KMT2D: variants seen among roughly 807,000 people sequenced by gnomAD.
KMT2D encodes lysine methyltransferase 2D.
In KMT2D, 55 loss-of-function variants were observed where a neutral mutation model predicts 512.7. That is an observed-to-expected ratio of 0.11 (90% CI 0.09 to 0.13). The LOEUF (loss-of-function observed/expected upper bound fraction) is 0.13. Among genes scored for constraint, KMT2D ranks in the 10% least tolerant of loss-of-function variants. The pLI, the probability that KMT2D is intolerant of heterozygous loss-of-function variation, is 1.00. For synonymous variants in KMT2D, 2,995 were observed against 2,904.0 expected, an observed-to-expected ratio of 1.03 and a Z score of -1.01; for missense variants, 6,061 against 7,127.9, an observed-to-expected ratio of 0.85 and a Z score of 5.39.
intron 35 of KMT2D, among the ~76,000 whole-genome samples, chr12:49,036,676 GT>G (rs1004350267): frequency 6.6e-6 from 1 of 151,644 alleles, no homozygotes; most frequent in Non-Finnish European, 1.5e-5. Flanking sequence ...ATTTTTGTAT[GT>G]TTAGTAGAGA....
chr12:49,053,515 C>T lies in KMT2D; in HGVS notation c.800G>A (p.Gly267Asp), dbSNP rs1938212607. 1.9e-6 allele frequency: 3 copies of T among 1,607,968 alleles called. No homozygotes were observed. The highest frequency in any genetic ancestry group is 1.7e-4 in the Middle Eastern group (1 of 6,058). ...CACTTTGCATTCAGGGCACTGCCAG[C>T]CAGCACGTTTGCGGGCAGTCAGAGC... ...DTALTARKRAGWQCPECKVCQ... is the reference protein window; with the variant it reads ...DTALTARKRADWQCPECKVCQ... Residue 267 changes from glycine to aspartate, a missense_variant, in exon 7 of 55, where the codon GGC becomes GAC. By Grantham distance (94) the Gly-to-Asp change is moderately conservative. Transcript: ENST00000301067.
Position 49,050,258 on chromosome 12 carries a change from T to C in KMT2D, c.3330A>G (p.Pro1110=), listed in dbSNP as rs1937869295. The C allele has an allele frequency of 6.2e-7, 1 of 1,612,188 alleles. No homozygotes were observed. The highest frequency in any genetic ancestry group is 1.1e-5 in the South Asian group (1 of 90,836). The change falls in exon 12 of 55, where the codon CCA becomes CCG. Residue 1110 remains proline (P), a synonymous_variant. Transcript: ENST00000301067. ...CTAGGCCAGAGAAGTCATCCAGGGC[T>C]GGGGCAGGGCTGGGGGCGGGGCAGG... ...DLSCPAPSPA[P]ALDDFSGLGE... is the part of the protein sequence containing the mutation.
At position 49,024,615 on chromosome 12, in the gene KMT2D, C is replaced by T. The variant is rs373319977; in HGVS notation, c.16015G>A (p.Ala5339Thr). 3 of 1,613,582 alleles carry T rather than the reference C, an allele frequency of 1.9e-6. No individual in the cohort carries two copies. The highest frequency in any genetic ancestry group is 2.5e-6 in the Non-Finnish European group (3 of 1,179,758). Residue 5339 changes from alanine to threonine, a missense_variant, in exon 51 of 55, where the codon GCC (alanine) becomes ACC (threonine). Coordinates refer to ENST00000301067, the MANE Select transcript of KMT2D (RefSeq NM_003482.4). The surrounding 1 kb of genome is among the most constrained non-coding windows in gnomAD (Gnocchi z 4.5). ...LPLMINPTGCARSEPKILTHY... is the reference protein window; with the variant it reads ...LPLMINPTGCTRSEPKILTHY... ...GTGAGGATTTTAGGCTCTGATCGGG[C>T]ACAGCCAGTGGGGTTGATCATGAGT...
chr12:49,023,079 T>A (rs1942402897), intron 51 of KMT2D, among the ~76,000 whole-genome samples: 1 of 152,040 alleles, frequency 6.6e-6, no homozygotes, highest in Non-Finnish European at 1.5e-5. Context: ...ACAGGGACCC[T>A]TCTGACACCC....
Position 49,033,353 on chromosome 12 carries a change from G to T in KMT2D, c.11352C>A (p.Gly3784=). ...QGLMPPSSHQ[G]LLVQQLSPQP... is the part of the protein sequence containing the mutation. The stretch of plus-strand genomic sequence containing the variant: ...GAGGGGACAGCTGCTGGACCAGGAG[G>T]CCTTGGTGGCTGCTGGGAGGCATAA... The change falls in exon 40 of 55, where the codon GGC becomes GGA. Residue 3784 remains glycine (G), a synonymous_variant. Coordinates refer to ENST00000301067, the MANE Select transcript of KMT2D (RefSeq NM_003482.4). 1.3e-6 allele frequency: 2 copies of T among 1,588,748 alleles called. No homozygotes were observed. The highest frequency in any genetic ancestry group is 1.3e-5 in the African/African-American group (1 of 74,566).
In KMT2D at chr12:49,052,403, T is replaced by C. The variant is rs1278420714; in HGVS notation, c.1280A>G (p.Glu427Gly). The change falls in exon 11 of 55, where the codon GAG becomes GGG. Residue 427 changes from glutamate to glycine, a missense_variant. Coordinates refer to ENST00000301067, the MANE Select transcript of KMT2D (RefSeq NM_003482.4). Reference sequence around the variant, plus strand: ...GTTTAGGGGGGCCTCCAACTGGGGCTCAAGTTGGACCCCTGCTTTCCCTGC... The same window carrying C: ...GTTTAGGGGGGCCTCCAACTGGGGCCCAAGTTGGACCCCTGCTTTCCCTGC... The part of the protein sequence containing the change: ...KPLGKAGVQL[E>G]PQLEAPLNEE... The C allele has an allele frequency of 6.5e-7, 1 of 1,541,810 alleles. No individual in the cohort carries two copies. The highest frequency in any genetic ancestry group is 2.0e-5 in the Admixed American group (1 of 51,010).
rs1351028729 is a variant in KMT2D, at chr12:49,034,828, C to G, written c.10339G>C (p.Ala3447Pro). ...GAGTCTTACCTGTTCATACCAGGTG[C>G]CACCCCAATGCTGCCCTGAGCCATC... ...KVMAQGSIGV[A>P]PGMNRQQVSL... is the part of the protein sequence containing the mutation. Residue 3447 changes from alanine (A) to proline (P), a missense_variant, in exon 36 of 55, where the codon GCA becomes CCA. Physicochemically the swap from Ala to Pro is conservative, Grantham distance 27. Coordinates refer to ENST00000301067, the MANE Select transcript of KMT2D (RefSeq NM_003482.4). 4 of 1,613,834 alleles carry G rather than the reference C, an allele frequency of 2.5e-6. No individual in the cohort carries two copies. Among genetic ancestry groups the G allele is most frequent in the Non-Finnish European group, 3.4e-6 (4 of 1,179,880 alleles).
Position 49,041,829 on chromosome 12 carries a change from G to A in KMT2D, c.6183+88C>T. The A allele has an allele frequency of 6.6e-7, 1 of 1,518,050 alleles. No individual in the cohort carries two copies. The highest frequency in any genetic ancestry group is 2.4e-5 in the East Asian group (1 of 41,278). The allele number at this position is 1,518,050 out of a possible 1,614,324, so 94.0% of individuals were successfully genotyped here. On this transcript the variant is annotated intron_variant, in intron 30 of 54. Transcript: ENST00000301067. The surrounding 1 kb of genome is among the most constrained non-coding windows in gnomAD (Gnocchi z 5.4). Reference sequence around the variant, plus strand: ...CTTCTGGCCCAGCTGCTTTAGGAGTGGGGAGCGGAAAGAACTGAGGTAAAT... The same window carrying A: ...CTTCTGGCCCAGCTGCTTTAGGAGTAGGGAGCGGAAAGAACTGAGGTAAAT...
Position 49,021,880 on chromosome 12 carries a change from G to T in KMT2D, c.16522-8C>A. 1 of 1,612,086 alleles carries T rather than the reference G, an allele frequency of 6.2e-7. No homozygotes were observed. The highest frequency in any genetic ancestry group is 1.7e-5 in the Admixed American group (1 of 60,020). Reference sequence around the variant, plus strand: ...CTGATAGTCATAGGTTAGCTGAAAAGAGAAGAGGGCAGAATCAATGCTAGT... The same window carrying T: ...CTGATAGTCATAGGTTAGCTGAAAATAGAAGAGGGCAGAATCAATGCTAGT... On this transcript the variant is annotated splice_region_variant and splice_polypyrimidine_tract_variant and intron_variant, in intron 54 of 54. Transcript: ENST00000301067.
rs2120411462 is a variant in KMT2D, at chr12:49,030,929, G to A, written c.13635C>T (p.Val4545=). Residue 4545 remains valine (V), a synonymous_variant, in exon 41 of 55, where the codon GTC becomes GTT. Transcript: ENST00000301067. ...SRKKLRKEDG[V]RASEALLKQL... ...GTTTCAGCAAGGCCTCGCTGGCCCT[G>A]ACCCCGTCCTCCTTCCGCAGCTTCT... is the stretch of plus-strand genomic sequence containing the variant. The A allele has an allele frequency of 6.2e-7, 1 of 1,613,936 alleles. No individual in the cohort carries two copies. Among genetic ancestry groups the A allele is most frequent in the Non-Finnish European group, 8.5e-7 (1 of 1,179,858 alleles).
Position 49,041,183 on chromosome 12 carries a change from T to C in KMT2D, c.6587A>G (p.Tyr2196Cys), listed in dbSNP as rs2120543061. The C allele has an allele frequency of 1.3e-6, 2 of 1,515,512 alleles. No individual in the cohort carries two copies. The highest frequency in any genetic ancestry group is 1.3e-5 in the South Asian group (1 of 74,828). The allele number at this position is 1,515,512 out of a possible 1,614,324, so 93.9% of individuals were successfully genotyped here. A position where few individuals can be genotyped will look rare whatever the true frequency, so the allele number is the denominator to read the frequency against. Reference protein sequence around the residue: ...EPRFPTAPPTYPPYPSPTGAP... With the variant: ...EPRFPTAPPTCPPYPSPTGAP... ...CCCCGTAGGACTAGGATAGGGGGGA[T>C]AGGTGGGCGGTGCCGTGGGGAAGCG... Residue 2196 changes from tyrosine (Y) to cysteine (C), a missense_variant, in exon 32 of 55, where the codon TAT (tyrosine) becomes TGT (cysteine). Coordinates refer to ENST00000301067, the MANE Select transcript of KMT2D (RefSeq NM_003482.4). The surrounding 1 kb of genome is among the most constrained non-coding windows in gnomAD (Gnocchi z 5.4).
Position 49,024,042 on chromosome 12 carries a change from G to T in KMT2D, c.16052+536C>A. The stretch of plus-strand genomic sequence containing the variant: ...CTGTAAAATGGGGGTCATACCACCT[G>T]CCCTACCTACCTCATAAGGTTGTTG... On this transcript the variant is annotated intron_variant, in intron 51 of 54. Transcript: ENST00000301067. This position sits in a 1 kb window ranked among gnomAD's most constrained non-coding sequence, Gnocchi z 4.5. The T allele has an allele frequency of 2.2e-6, 1 of 454,370 alleles. No individual in the cohort carries two copies. Among genetic ancestry groups the T allele is most frequent in the South Asian group, 1.6e-5 (1 of 63,940 alleles). 28.1% of individuals were successfully genotyped at this position (454,370 alleles called of 1,614,324 possible).
chr12:49,057,156 G>C (rs1592165808), intron 1 of KMT2D, among the ~76,000 whole-genome samples: 1 of 152,126 alleles, frequency 6.6e-6, no homozygotes, highest in African/African-American at 2.4e-5. Context: ...TGGAGATGAG[G>C]GCAGCAGCCA....
rs1304208223 is a variant in KMT2D at position 49,032,652 on chromosome 12, G to A, written c.12053C>T (p.Thr4018Ile). The change falls in exon 40 of 55, where the codon ACC becomes ATC. Residue 4018 changes from threonine to isoleucine, a missense_variant. This residue lies in a region of KMT2D where 1,600 missense variants were observed against 1,754.9 expected (regional missense o/e 0.91). Coordinates refer to ENST00000301067, the MANE Select transcript of KMT2D (RefSeq NM_003482.4). ...TTGTTCCTTGCCCGTCAGGAGGAGG[G>A]TTGGACCCAGGGCTCCAGGGCTAGA... ...HFSSPGALGPTLLLTGKEQNT... is the reference protein window; with the variant it reads ...HFSSPGALGPILLLTGKEQNT... 7.4e-6 allele frequency: 12 copies of A among 1,613,984 alleles called. No homozygotes were observed. Among genetic ancestry groups the A allele is most frequent in the African/African-American group, 2.7e-5 (2 of 75,038 alleles).
At position 49,054,413 on chromosome 12, in the gene KMT2D, G is replaced by T; in HGVS notation, c.404C>A (p.Ser135Tyr). The T allele has an allele frequency of 6.3e-7, 1 of 1,584,642 alleles. No individual in the cohort carries two copies. Among genetic ancestry groups the T allele is most frequent in the Non-Finnish European group, 8.6e-7 (1 of 1,165,462 alleles). The change falls in exon 5 of 55, where the codon TCC becomes TAC. Residue 135 changes from serine (S) to tyrosine (Y), a missense_variant. Transcript: ENST00000301067. This position sits in a 1 kb window ranked among gnomAD's most constrained non-coding sequence, Gnocchi z 6.4. ...TPAHLGEPGG[S>Y]CWAHHWCAAW... ...AGCACACCAATGGTGAGCCCAGCAGGACCCTTTACAGGTGGGAAGAGGTAA... is the reference window on the plus strand; with the variant it reads ...AGCACACCAATGGTGAGCCCAGCAGTACCCTTTACAGGTGGGAAGAGGTAA...
chr12:49,054,150 T>TG lies in KMT2D; in HGVS notation c.511-11dup. 2 of 1,587,060 alleles carry TG rather than the reference T, an allele frequency of 1.3e-6. No homozygotes were observed. The highest frequency in any genetic ancestry group is 2.3e-5 in the South Asian group (2 of 88,182). ...TGCAGTGGGAGCAGCGCTGCCAGGG[T>TG]GAAAAAAGAGCCTCAGTGTCAGCCA... On this transcript the variant is annotated splice_polypyrimidine_tract_variant and intron_variant, in intron 5 of 54. Coordinates refer to ENST00000301067, the MANE Select transcript of KMT2D (RefSeq NM_003482.4). The surrounding 1 kb of genome is among the most constrained non-coding windows in gnomAD (Gnocchi z 6.4).
At chr12:49,025,530 T>C (rs1942533824) in intron 49 of KMT2D, among the ~76,000 whole-genome samples, 1 of 152,212 alleles carries the variant, frequency 6.6e-6, no homozygotes, top group South Asian at 2.1e-4. Flanking sequence ...TGCTATGCCA[T>C]CTAGGTTTGT....
chr12:49,043,299 G>A (rs1000953165), intron 25 of KMT2D, 64 bp downstream of exon 25: 11 of 1,563,906 alleles, frequency 7.0e-6, no homozygotes, highest in Non-Finnish European at 9.7e-6. Context: ...ATGCTCAGGG[G>A]CACAGCAGAG....
intron 43 of KMT2D, among the ~76,000 whole-genome samples, chr12:49,030,064 C>T (rs1397548759): frequency 6.6e-6 from 1 of 152,196 alleles, no homozygotes; most frequent in Admixed American, 6.5e-5. Context: ...TGCTCCCTGC[C>T]ACCCACCTCT....
Sources: gnomAD v4.1 joint callset for allele counts (sites outside exome capture counted in the v4.1 genomes callset) on GRCh38, gnomAD v4.1.1 for gene constraint, gnomAD v4.1.1 regional missense constraint, Gnocchi (gnomAD v3.1) non-coding constraint, MANE v1.5 for transcripts, NCBI Gene and HGNC (gene_info 2026-07-23, HGNC 2026-07-21) for gene names.